Variants in PGM5 observed in about 807,000 individuals in gnomAD.
The protein encoded by PGM5 is phosphoglucomutase-like protein 5.
In PGM5, 23 loss-of-function variants were observed where a neutral mutation model predicts 59.2. That is an observed-to-expected ratio of 0.39 (90% confidence interval 0.28 to 0.55). The LOEUF (loss-of-function observed/expected upper bound fraction) is 0.55, where lower values mean the gene tolerates loss of function less well. Ranked by LOEUF, PGM5 falls within the 20% of genes least tolerant of loss-of-function variation. The pLI, the probability that PGM5 is intolerant of heterozygous loss-of-function variation, is 0.66. For missense variants in PGM5, 574 were observed against 748.3 expected, an observed-to-expected ratio of 0.77 and a Z score of 2.72; for synonymous variants, 214 against 286.0, an observed-to-expected ratio of 0.75 and a Z score of 2.54.
At chr9:68,426,493 A>G (rs1248894223) in intron 6 of PGM5, among the ~76,000 whole-genome samples, 1 of 152,164 alleles carries the variant, frequency 6.6e-6, no homozygotes, top group Non-Finnish European at 1.5e-5. Flanking sequence ...TAGTTGTGCC[A>G]TAATTTACTA....
intron 6 of PGM5, among the ~76,000 whole-genome samples, chr9:68,413,856 A>C (rs2506661): frequency 6.6e-5 from 10 of 152,314 alleles, no homozygotes; most frequent in African/African-American, 2.2e-4. Flanking sequence ...TGTAGGGTAG[A>C]TCAATCAATT....
intron 7 of PGM5, among the ~76,000 whole-genome samples, chr9:68,474,897 G>A (rs1461483121): frequency 1.3e-5 from 2 of 149,360 alleles, no homozygotes; most frequent in African/African-American, 5.0e-5. Flanking sequence ...ATATTATTAA[G>A]CAAAAGAAGA....
intron 7 of PGM5, among the ~76,000 whole-genome samples, chr9:68,478,178 A>G (rs1430834667): frequency 6.6e-6 from 1 of 152,168 alleles, no homozygotes; most frequent in African/African-American, 2.4e-5. Context: ...CAGATACCCA[A>G]ATGGGCCTGT....
At chr9:68,390,628 G>A (rs1822339847) in intron 4 of PGM5, among the ~76,000 whole-genome samples, 1 of 152,140 alleles carries the variant, frequency 6.6e-6, no homozygotes, top group Admixed American at 6.6e-5. Flanking sequence ...ATATCTTTCA[G>A]ATATTTCAGC....
At chr9:68,440,897 A>T (rs888868534) in intron 6 of PGM5, among the ~76,000 whole-genome samples, 27 of 152,126 alleles carry the variant, frequency 1.8e-4, no homozygotes, top group African/African-American at 6.3e-4. Flanking sequence ...AAAGTAAATA[A>T]AATTGATAAA....
Position 68,392,729 on chromosome 9 carries a change from G to A in PGM5, c.1043+256G>A, listed in dbSNP as rs574137016. Among the ~76,000 whole-genome samples, 6 of 152,180 alleles carry A rather than the reference G, an allele frequency of 3.9e-5. No individual in the cohort carries two copies. In the East Asian group the frequency reaches 7.7e-4, roughly 20 times the overall value. ...TCAGTTTTCTTATCTGTAAAATGTG[G>A]ATAATAATAGTGGTATCTTTATATG... On this transcript the variant is annotated intron_variant, in intron 6 of 10. Coordinates refer to ENST00000396396, the MANE Select transcript of PGM5 (RefSeq NM_021965.4).
intron 8 of PGM5, among the ~76,000 whole-genome samples, chr9:68,482,462 A>G (rs186550746): frequency 1.9e-4 from 29 of 152,338 alleles, no homozygotes; most frequent in African/African-American, 6.7e-4. Context: ...AAAGGGATGT[A>G]GATGCAGGGG....
intron 9 of PGM5, chr9:68,496,777 C>T (rs1554688181): frequency 6.6e-6 from 1 of 152,178 alleles, no homozygotes; most frequent in East Asian, 1.9e-4. Flanking sequence ...AATTTCCCCT[C>T]ACTGGCCAAA....
rs186170517 is a variant in PGM5, at chr9:68,483,001, C to T, written c.1296-864C>T. Among the ~76,000 whole-genome samples, 430 of 152,270 alleles carry T rather than the reference C, an allele frequency of 2.8e-3. 1 individual carries two copies. Among genetic ancestry groups the T allele is most frequent in the African/African-American group, 9.6e-3 (398 of 41,554 alleles). ...TTTGAATGGAACAATTGTGATATTT[C>T]TTCCAAGTTTCCAAGAGTTCTATAT... On this transcript the variant is annotated intron_variant, in intron 8 of 10. Transcript: ENST00000396396.
At chr9:68,492,755 CTA>C (rs1824414881) in intron 9 of PGM5, among the ~76,000 whole-genome samples, 1 of 152,298 alleles carries the variant, frequency 6.6e-6, no homozygotes, top group African/African-American at 2.4e-5. Flanking sequence ...ACAGCTAACT[CTA>C]TGAATTATTA....
chr9:68,522,179 CA>C (rs1012782280), intron 10 of PGM5, among the ~76,000 whole-genome samples: 6 of 152,152 alleles, frequency 3.9e-5, no homozygotes, highest in Non-Finnish European at 7.4e-5. Context: ...TGCTTGAACC[CA>C]AGAGGCAAAA....
intron 6 of PGM5, among the ~76,000 whole-genome samples, chr9:68,445,524 G>T (rs1421111338): frequency 6.6e-6 from 1 of 152,208 alleles, no homozygotes; most frequent in African/African-American, 2.4e-5. Context: ...CACCAGGGTA[G>T]CCAGGGGCTC....
chr9:68,486,988 T>C (rs1437403256), intron 9 of PGM5, among the ~76,000 whole-genome samples: 1 of 152,204 alleles, frequency 6.6e-6, no homozygotes, highest in African/African-American at 2.4e-5. Flanking sequence ...CAACCTACTA[T>C]ATTATGGATT....
At chr9:68,523,991 GT>G (rs559013559) in intron 10 of PGM5, among the ~76,000 whole-genome samples, 22 of 145,726 alleles carry the variant, frequency 1.5e-4, no homozygotes, top group African/African-American at 2.3e-4. Context: ...TGTTAGGGTT[GT>G]TTTTTTTTTA....
rs148684940 is a variant in PGM5 at position 68,512,360 on chromosome 9, C to T, written c.1614+12999C>T. On this transcript the variant is annotated intron_variant, in intron 10 of 10. Transcript: ENST00000396396. ...AGGCCCAGAGAGTAAATAGTTTAGG[C>T]TTTGCTAGCTGTATTAGTTTGCTAG... 2.0e-4 allele frequency among the ~76,000 whole-genome samples: 31 copies of T among 152,326 alleles called. No homozygotes were observed. In the East Asian group the frequency reaches 6.0e-3, roughly 29 times the overall value.
At chr9:68,377,237 T>G (rs1371489249) in intron 1 of PGM5, among the ~76,000 whole-genome samples, 1 of 152,136 alleles carries the variant, frequency 6.6e-6, no homozygotes, top group Non-Finnish European at 1.5e-5. Context: ...AGGTTCTGCA[T>G]TTCTATCAAG....
intron 10 of PGM5, among the ~76,000 whole-genome samples, chr9:68,503,137 ATAAAG>A (rs1554688766): frequency 1.3e-5 from 2 of 152,310 alleles, no homozygotes; most frequent in South Asian, 2.1e-4. Context: ...TAATCCAGAA[ATAAAG>A]TATAGAGCCA....
chr9:68,370,229 C>A (rs1237565764), intron 1 of PGM5, among the ~76,000 whole-genome samples: 4 of 152,192 alleles, frequency 2.6e-5, no homozygotes, highest in Admixed American at 2.0e-4. Flanking sequence ...GGGATTATAA[C>A]ACAGTGAGCA....
chr9:68,385,375 T>A (rs1822190901), intron 3 of PGM5, among the ~76,000 whole-genome samples: 1 of 152,210 alleles, frequency 6.6e-6, no homozygotes, highest in Non-Finnish European at 1.5e-5. Flanking sequence ...AGAAGTAATT[T>A]AACTTAGCCC....
Sources: gnomAD v4.1 joint callset for allele counts (sites outside exome capture counted in the v4.1 genomes callset) on GRCh38, gnomAD v4.1.1 for gene constraint, MANE v1.5 for transcripts, NCBI Gene and HGNC (gene_info 2026-07-23, HGNC 2026-07-21) for gene names.